The following PCED1A variants were observed in gnomAD, a reference collection of about 807,000 sequenced individuals.
PCED1A encodes the protein PC-esterase domain-containing protein 1A.
Under a neutral mutation model 41.9 loss-of-function variants are expected in PCED1A, and 20 were observed. The observed-to-expected ratio is 0.48, with a 90% CI of 0.34 to 0.69. PCED1A has a LOEUF of 0.69. PCED1A is among the 30% of genes least tolerant of loss of function. The pLI is 0.01. For missense variants in PCED1A, 498 were observed against 602.1 expected, an observed-to-expected ratio of 0.83 and a Z score of 1.81; for synonymous variants, 236 against 241.3, an observed-to-expected ratio of 0.98 and a Z score of 0.20.
Position 2,839,084 on chromosome 20 carries a change from T to TGGGGGCCCCC in PCED1A, c.205-3_205-2insGGGGGCCCCC. On this transcript the variant is annotated splice_region_variant and splice_polypyrimidine_tract_variant and intron_variant, in intron 3 of 7. Coordinates refer to ENST00000360652, the MANE Select transcript of PCED1A (RefSeq NM_022760.6). ...GTCCTGTTCAAAGCTCAGCTCCCCC[T>TGGGGGCCCCC]ACCCACCCCCCCCACCCTACTGGTC... 1.4e-6 allele frequency: 1 copy of TGGGGGCCCCC among 725,242 alleles called. No individual in the cohort carries two copies. Among genetic ancestry groups the TGGGGGCCCCC allele is most frequent in the Non-Finnish European group, 1.9e-6 (1 of 522,218 alleles). The allele number at this position is 725,242 out of a possible 1,614,324, so 44.9% of individuals were successfully genotyped here.
At position 2,840,304 on chromosome 20, in the gene PCED1A, T is replaced by C; in HGVS notation, c.-115A>G. The C allele has an allele frequency of 4.2e-6, 1 of 240,350 alleles. No homozygotes were observed. The highest frequency in any genetic ancestry group is 8.0e-6 in the Non-Finnish European group (1 of 124,474). 14.9% of individuals were successfully genotyped at this position (240,350 alleles called of 1,614,324 possible). A position where few individuals can be genotyped will look rare whatever the true frequency, so the allele number is the denominator to read the frequency against. On this transcript the variant is annotated 5_prime_UTR_variant, in exon 1 of 8. Coordinates refer to ENST00000360652, the MANE Select transcript of PCED1A (RefSeq NM_022760.6). ...AGCGGGCTCCTAGCCAAGCCTCATGTTCCCGCGCCCCAGTCGGCCAGTCGG... is the reference window on the plus strand; with the variant it reads ...AGCGGGCTCCTAGCCAAGCCTCATGCTCCCGCGCCCCAGTCGGCCAGTCGG...
chr20:2,839,973 T>G, intron 1 of PCED1A, 40 bp from the exon 2 acceptor site: 1 of 1,556,040 alleles, frequency 6.4e-7, no homozygotes. Flanking sequence ...TGGTGGGGAC[T>G]CTGGGCAGGT....
Position 2,839,177 on chromosome 20 carries a change from C to A in PCED1A, c.204+15G>T, listed in dbSNP as rs1167124935. 1.9e-5 allele frequency: 30 copies of A among 1,612,818 alleles called. No homozygotes were observed. The highest frequency in any genetic ancestry group is 2.2e-5 in the Non-Finnish European group (26 of 1,179,814). ...TGCCCACCCACCACTGACATGGCCA[C>A]CAAGCTTCCCTCACCTTGGCTTTCA... On this transcript the variant is annotated intron_variant, in intron 3 of 7. Transcript: ENST00000360652.
In PCED1A at chr20:2,838,710, G is replaced by A; in HGVS notation, c.480C>T (p.Asn160=). 1.2e-6 allele frequency: 2 copies of A among 1,614,190 alleles called. No homozygotes were observed. The highest frequency in any genetic ancestry group is 1.1e-5 in the South Asian group (1 of 91,084). ...CCATGCGCACAAACACCCGCTCCAGGTTCTCCCGGTAGCTCTCCATTGAGC... is the reference window on the plus strand; with the variant it reads ...CCATGCGCACAAACACCCGCTCCAGATTCTCCCGGTAGCTCTCCATTGAGC... ...GRCSMESYRE[N]LERVFVRMDQ... The change falls in exon 5 of 8, where the codon AAC becomes AAT. Residue 160 remains asparagine, a synonymous_variant. Coordinates refer to ENST00000360652, the MANE Select transcript of PCED1A (RefSeq NM_022760.6). The surrounding 1 kb of genome is among the most constrained non-coding windows in gnomAD (Gnocchi z 5.8).
In PCED1A at chr20:2,840,531, A is replaced by G; in HGVS notation, c.-342T>C. The G allele has an allele frequency of 3.6e-6, 2 of 561,452 alleles. No homozygotes were observed. The highest frequency in any genetic ancestry group is 4.2e-5 in the South Asian group (2 of 48,116). 34.8% of individuals were successfully genotyped at this position (561,452 alleles called of 1,614,324 possible). On this transcript the variant is annotated 5_prime_UTR_variant, in exon 1 of 8. Coordinates refer to ENST00000360652, the MANE Select transcript of PCED1A (RefSeq NM_022760.6). ...AGCGACCCCCAGTGCCCGAAGGGAA[A>G]GCAAGGCGATGGAGGTGGCCGCCAC...
At chr20:2,837,442 G>A (rs1470817563) in intron 6 of PCED1A, among the ~76,000 whole-genome samples, 1 of 152,184 alleles carries the variant, frequency 6.6e-6, no homozygotes, top group African/African-American at 2.4e-5. Flanking sequence ...AAAGGGGTGA[G>A]TCGTCAACAA....
Position 2,838,701 on chromosome 20 carries a change from C to T in PCED1A, c.489G>A (p.Arg163=), listed in dbSNP as rs577382498. ...SMESYRENLE[R]VFVRMDQVLP... The stretch of plus-strand genomic sequence containing the variant: ...ATACTTGGTCCATGCGCACAAACAC[C>T]CGCTCCAGGTTCTCCCGGTAGCTCT... Residue 163 remains arginine, a synonymous_variant, in exon 5 of 8, where the codon CGG becomes CGA. Coordinates refer to ENST00000360652, the MANE Select transcript of PCED1A (RefSeq NM_022760.6). The surrounding 1 kb of genome is among the most constrained non-coding windows in gnomAD (Gnocchi z 5.8). 1.1e-5 allele frequency: 17 copies of T among 1,614,192 alleles called. No homozygotes were observed. In the Admixed American group the frequency reaches 2.8e-4, roughly 27 times the overall value.
intron 1 of PCED1A, 106 bp from the exon 2 acceptor site, chr20:2,840,039 GCAGCAGAGCCATGGTGGCGC>G: frequency 1.7e-6 from 2 of 1,201,890 alleles, no homozygotes; most frequent in East Asian, 5.4e-5. Flanking sequence ...GGAGGTGACG[GCAGCAGAGCCATGGTGGCGC>G]CAGCCTTGGT....
chr20:2,839,379 T>G, intron 2 of PCED1A, 108 bp from the exon 3 acceptor site: 3 of 1,002,452 alleles, frequency 3.0e-6, no homozygotes, highest in Non-Finnish European at 4.5e-6. Flanking sequence ...ACACCAGCTC[T>G]GTGGTTGACT....
intron 2 of PCED1A, among the ~76,000 whole-genome samples, chr20:2,839,494 T>C (rs1023765544): frequency 3.9e-5 from 6 of 152,170 alleles, no homozygotes; most frequent in Admixed American, 2.0e-4. Flanking sequence ...TGGCAGAAAT[T>C]AAGTCGGCCA....
rs2088938736 is a variant in PCED1A at position 2,840,267 on chromosome 20, C to T, written c.-78G>A. The T allele has an allele frequency of 8.2e-6, 2 of 242,958 alleles. No individual in the cohort carries two copies. Among genetic ancestry groups the T allele is most frequent in the Non-Finnish European group, 7.9e-6 (1 of 126,760 alleles). The allele number at this position is 242,958 out of a possible 1,614,324, so 15.1% of individuals were successfully genotyped here. On this transcript the variant is annotated 5_prime_UTR_variant, in exon 1 of 8. Transcript: ENST00000360652. ...GACCCGGGTATGCCTGCGCACCGCGCGCCTGGCCCGCAGCGGGCTCCTAGC... is the reference window on the plus strand; with the variant it reads ...GACCCGGGTATGCCTGCGCACCGCGTGCCTGGCCCGCAGCGGGCTCCTAGC...
chr20:2,839,826 C>T lies in PCED1A; in HGVS notation c.87G>A (p.Leu29=). ...AGATGACCACGAACTTGTTGTGTAGCAGCTGCTGGACTTCCGAGGCCTGGA... is the reference window on the plus strand; with the variant it reads ...AGATGACCACGAACTTGTTGTGTAGTAGCTGCTGGACTTCCGAGGCCTGGA... ...VHFQASEVQQ[L]LHNKFVVILG... The change falls in exon 2 of 8, where the codon CTG becomes CTA. Residue 29 remains leucine, a synonymous_variant. Coordinates refer to ENST00000360652, the MANE Select transcript of PCED1A (RefSeq NM_022760.6). 1 of 1,614,216 alleles carries T rather than the reference C, an allele frequency of 6.2e-7. No individual in the cohort carries two copies.
At chr20:2,835,962 T>A in intron 7 of PCED1A, 77 bp downstream of exon 7, 1 of 1,450,372 alleles carries the variant, frequency 6.9e-7, no homozygotes, top group Non-Finnish European at 9.1e-7. Flanking sequence ...GCTACCCAAC[T>A]CCTCTCAGCT....
Position 2,838,219 on chromosome 20 carries a change from T to G in PCED1A, c.841+13A>C, listed in dbSNP as rs188650263. 1.4e-5 allele frequency: 23 copies of G among 1,613,848 alleles called. No individual in the cohort carries two copies. In the East Asian group the frequency reaches 5.1e-4, roughly 36 times the overall value. On this transcript the variant is annotated intron_variant, in intron 6 of 7. Transcript: ENST00000360652. The surrounding 1 kb of genome is among the most constrained non-coding windows in gnomAD (Gnocchi z 5.8). ...CAGTGCATCACTACCCCCCCACTTA[T>G]GGTAGGGCTCACCAGGGGGATAGCC...
rs574451221 is a variant in PCED1A, at chr20:2,840,507, G to T, written c.-318C>A. The T allele has an allele frequency of 6.4e-5, 35 of 547,084 alleles. No individual in the cohort carries two copies. The East Asian group carries it at 1.1e-3, about 18-fold the overall frequency. The allele number at this position is 547,084 out of a possible 1,614,324, so 33.9% of individuals were successfully genotyped here. On this transcript the variant is annotated 5_prime_UTR_variant, in exon 1 of 8. Coordinates refer to ENST00000360652, the MANE Select transcript of PCED1A (RefSeq NM_022760.6). ...TCCGTTCACCCATGTCCCGCCCTGA[G>T]CGACCCCCAGTGCCCGAAGGGAAAG... is the stretch of plus-strand genomic sequence containing the variant.
chr20:2,839,928 G>A lies in PCED1A; in HGVS notation c.-16C>T, dbSNP rs574850406. On this transcript the variant is annotated 5_prime_UTR_variant, in exon 2 of 8. Coordinates refer to ENST00000360652, the MANE Select transcript of PCED1A (RefSeq NM_022760.6). Reference sequence around the variant, plus strand: ...AGAAGACCATGCCGCCACCAGCAACGACAGGCTGCAGGGAGAGGCCACTAA... The same window carrying A: ...AGAAGACCATGCCGCCACCAGCAACAACAGGCTGCAGGGAGAGGCCACTAA... 4 of 1,608,794 alleles carry A rather than the reference G, an allele frequency of 2.5e-6. No individual in the cohort carries two copies. The East Asian group carries it at 8.9e-5, about 36-fold the overall frequency.
At chr20:2,840,907 CCTGTCA>C, upstream of PCED1A, 1 of 1,379,082 alleles carries the variant, frequency 7.3e-7, no homozygotes, top group South Asian at 1.3e-5. Flanking sequence ...GGCGTTCGCC[CCTGTCA>C]CTACTGGCGC....
chr20:2,840,742 C>G (rs1328948283), upstream of PCED1A: 1 of 1,547,592 alleles, frequency 6.5e-7, no homozygotes, highest in Admixed American at 2.0e-5. Context: ...TGGGTGTCCC[C>G]TCGGTGCTTC....
At chr20:2,836,014 G>A in intron 7 of PCED1A, 25 bp downstream of exon 7, 1 of 1,469,494 alleles carries the variant, frequency 6.8e-7, no homozygotes, top group Non-Finnish European at 9.0e-7. Flanking sequence ...GTACAAGAGG[G>A]TGGGGGAGCT....
Sources: gnomAD v4.1 joint callset for allele counts (sites outside exome capture counted in the v4.1 genomes callset) on GRCh38, gnomAD v4.1.1 for gene constraint, Gnocchi (gnomAD v3.1) non-coding constraint, MANE v1.5 for transcripts, NCBI Gene and HGNC (gene_info 2026-07-23, HGNC 2026-07-21) for gene names.